Variants in OPCML observed in about 807,000 individuals in gnomAD.
OPCML encodes opioid-binding protein/cell adhesion molecule.
OPCML carries 13 observed loss-of-function variants against 37.8 expected under a neutral mutation model. That is an observed-to-expected ratio of 0.34 (90% confidence interval 0.22 to 0.55). The LOEUF is 0.55. OPCML is among the 20% of genes least tolerant of loss of function. The pLI, the probability that OPCML is intolerant of heterozygous loss-of-function variation, is 0.91. For missense variants in OPCML, 341 were observed against 435.6 expected, an observed-to-expected ratio of 0.78 and a Z score of 1.93; for synonymous variants, 176 against 168.8, an observed-to-expected ratio of 1.04 and a Z score of -0.33.
intron 2 of OPCML, among the ~76,000 whole-genome samples, chr11:132,754,339 ATGATAATGAAT>A (rs1363555289): frequency 6.6e-6 from 1 of 152,152 alleles, no homozygotes; most frequent in Non-Finnish European, 1.5e-5. Context: ...TGCTATTCTC[ATGATAATGAAT>A]AAGTCTCACA....
intron 2 of OPCML, among the ~76,000 whole-genome samples, chr11:132,769,085 G>A (rs1472043959): frequency 6.6e-6 from 1 of 150,432 alleles, no homozygotes; most frequent in Non-Finnish European, 1.5e-5. Flanking sequence ...CTGCTGAGGG[G>A]GTTTGAGGTC....
chr11:133,051,086 C>CAG (rs60604738), intron 1 of OPCML, among the ~76,000 whole-genome samples: 1 of 150,202 alleles, frequency 6.7e-6, no homozygotes, highest in Non-Finnish European at 1.5e-5. Flanking sequence ...CACACACACA[C>CAG]CTCTCAAAGC....
chr11:132,435,087 T>C (rs1398075785), intron 7 of OPCML: 3 of 855,436 alleles, frequency 3.5e-6, no homozygotes, highest in Non-Finnish European at 5.1e-6. Context: ...AAGCCTATCT[T>C]TGAAGTAGGC....
chr11:133,426,903 C>T (rs1409665048), intron 1 of OPCML, among the ~76,000 whole-genome samples: 2 of 152,138 alleles, frequency 1.3e-5, no homozygotes, highest in Non-Finnish European at 2.9e-5. Context: ...CCAAATATTA[C>T]AGTGAAAATA....
intron 1 of OPCML, among the ~76,000 whole-genome samples, chr11:133,242,335 G>T (rs530893345): frequency 1.3e-5 from 2 of 152,288 alleles, no homozygotes; most frequent in South Asian, 4.1e-4. Context: ...TAATCCAAGT[G>T]CCCTGATTTG....
intron 1 of OPCML, among the ~76,000 whole-genome samples, chr11:133,041,611 A>C (rs1384903904): frequency 6.6e-6 from 1 of 152,112 alleles, no homozygotes; most frequent in Non-Finnish European, 1.5e-5. Flanking sequence ...CTTTGCTCTT[A>C]ACTCTAAGAT....
chr11:132,596,720 A>G (rs2096493112), intron 3 of OPCML, among the ~76,000 whole-genome samples: 1 of 152,046 alleles, frequency 6.6e-6, no homozygotes, highest in South Asian at 2.1e-4. Flanking sequence ...TATCTTCTTT[A>G]CTCTTAATTC....
intron 2 of OPCML, among the ~76,000 whole-genome samples, chr11:132,701,152 C>A (rs959656039): frequency 1.3e-5 from 2 of 152,110 alleles, no homozygotes; most frequent in African/African-American, 2.4e-5. Context: ...GCTGGGGAAG[C>A]CTTACAATCA....
At chr11:133,252,919 G>T (rs550551272) in intron 1 of OPCML, among the ~76,000 whole-genome samples, 1 of 152,052 alleles carries the variant, frequency 6.6e-6, no homozygotes, top group Non-Finnish European at 1.5e-5. Flanking sequence ...AGGCCAAGGC[G>T]GGTGGATCAC....
At chr11:132,572,516 A>C (rs1441030409) in intron 3 of OPCML, among the ~76,000 whole-genome samples, 1 of 152,060 alleles carries the variant, frequency 6.6e-6, no homozygotes, top group African/African-American at 2.4e-5. Context: ...AGTGTCCTCT[A>C]TCCATGGTAT....
chr11:132,858,175 C>T (rs565108468), intron 2 of OPCML, among the ~76,000 whole-genome samples: 3 of 152,262 alleles, frequency 2.0e-5, no homozygotes, highest in Admixed American at 2.0e-4. Flanking sequence ...CAGTACTGTA[C>T]ACATGAAAAC....
intron 3 of OPCML, among the ~76,000 whole-genome samples, chr11:132,552,573 G>T (rs980356596): frequency 2.0e-5 from 3 of 152,030 alleles, no homozygotes; most frequent in Non-Finnish European, 2.9e-5. Context: ...ATTTCTCAGA[G>T]ACATATGGAG....
chr11:133,455,367 C>A (rs1946653735), intron 1 of OPCML, among the ~76,000 whole-genome samples: 1 of 152,158 alleles, frequency 6.6e-6, no homozygotes. Context: ...ATGATTCCCA[C>A]ATATTCTACT....
At chr11:133,079,067 T>A (rs1005128028) in intron 1 of OPCML, among the ~76,000 whole-genome samples, 1 of 152,158 alleles carries the variant, frequency 6.6e-6, no homozygotes, top group Admixed American at 6.5e-5. Context: ...TCCCACCCAG[T>A]TCCTGCCGTG....
chr11:133,290,152 G>A (rs1177086041), intron 1 of OPCML, among the ~76,000 whole-genome samples: 1 of 152,206 alleles, frequency 6.6e-6, no homozygotes, highest in African/African-American at 2.4e-5. Context: ...AGGAAAACCT[G>A]TGAATGCAGC....
At chr11:133,322,008 C>T (rs1235619350) in intron 1 of OPCML, among the ~76,000 whole-genome samples, 1 of 152,156 alleles carries the variant, frequency 6.6e-6, no homozygotes, top group Non-Finnish European at 1.5e-5. Flanking sequence ...TGGGAACACG[C>T]AACACATGCG....
chr11:132,450,154 T>C (rs990800841), intron 4 of OPCML, among the ~76,000 whole-genome samples: 5 of 152,204 alleles, frequency 3.3e-5, no homozygotes, highest in African/African-American at 7.2e-5. Flanking sequence ...GGTCTTCATG[T>C]GCTTCCTCAT....
chr11:133,389,819 A>G (rs1051652811), intron 1 of OPCML, among the ~76,000 whole-genome samples: 3 of 152,230 alleles, frequency 2.0e-5, no homozygotes, highest in Non-Finnish European at 2.9e-5. Context: ...TTCATGGTGC[A>G]TAGCACATGG....
At chr11:132,993,210 G>A (rs1304404795) in intron 1 of OPCML, among the ~76,000 whole-genome samples, 1 of 152,140 alleles carries the variant, frequency 6.6e-6, no homozygotes, top group Non-Finnish European at 1.5e-5. Context: ...CTGCCCACCC[G>A]AGGTTTGCAT....
Sources: gnomAD v4.1 joint callset for allele counts (sites outside exome capture counted in the v4.1 genomes callset) on GRCh38, gnomAD v4.1.1 for gene constraint, MANE v1.5 for transcripts, NCBI Gene and HGNC (gene_info 2026-07-23, HGNC 2026-07-21) for gene names.